Variants in NAV3 observed in about 807,000 individuals in gnomAD.
NAV3 encodes neuron navigator 3.
A neutral mutation model predicts 244.7 loss-of-function variants in NAV3; 87 were observed. The observed-to-expected ratio is 0.36, with a 90% CI of 0.30 to 0.42. NAV3 has a LOEUF of 0.42. Among genes scored for constraint, NAV3 ranks in the 20% least tolerant of loss-of-function variants. The pLI is 1.00. For synonymous variants in NAV3, 1,126 were observed against 1,042.2 expected, an observed-to-expected ratio of 1.08 and a Z score of -1.55; for missense variants, 2,663 against 2,893.3, an observed-to-expected ratio of 0.92 and a Z score of 1.83.
intron 2 of NAV3, among the ~76,000 whole-genome samples, chr12:77,601,328 T>G (rs1870419759): frequency 6.6e-6 from 1 of 152,028 alleles, no homozygotes; most frequent in Non-Finnish European, 1.5e-5. Context: ...AGCTACAGTC[T>G]GAACTAATGC....
Position 77,762,525 on chromosome 12 carries a change from C to T in NAV3, c.73-177794C>T, listed in dbSNP as rs11106600. On this transcript the variant is annotated intron_variant, in intron 2 of 8. Coordinates refer to the NAV3 transcript ENST00000550042. ...GGCTGTGGCAGGGGAATCGCTTGAACCCGGGAGGCGGAGGTTGTAGTGAGC... is the reference window on the plus strand; with the variant it reads ...GGCTGTGGCAGGGGAATCGCTTGAATCCGGGAGGCGGAGGTTGTAGTGAGC... Among the ~76,000 whole-genome samples the T allele has an allele frequency of 2.0e-5, 3 of 152,028 alleles. No individual in the cohort carries two copies. The East Asian group carries it at 5.8e-4, about 29-fold the overall frequency.
chr12:77,954,682 C>A (rs377482721), intron 3 of NAV3, among the ~76,000 whole-genome samples: 48 of 152,240 alleles, frequency 3.2e-4, no homozygotes, highest in African/African-American at 1.1e-3. Context: ...TCCCTGCTTC[C>A]ATTCTTTACA....
chr12:77,755,828 G>A (rs11106553), intron 2 of NAV3, among the ~76,000 whole-genome samples: 70,418 of 150,848 alleles, frequency 0.47, 16,663 homozygotes, highest in African/African-American at 0.51. Flanking sequence ...CAACCTGACA[G>A]GCTCAAGTGA....
At chr12:77,755,275 C>G (rs1869077043) in intron 2 of NAV3, among the ~76,000 whole-genome samples, 1 of 151,962 alleles carries the variant, frequency 6.6e-6, no homozygotes, top group Admixed American at 6.6e-5. Flanking sequence ...TAGTTTATAG[C>G]TTTCTAATAT....
At chr12:78,005,593 T>A (rs1874062251) in intron 7 of NAV3, among the ~76,000 whole-genome samples, 1 of 152,178 alleles carries the variant, frequency 6.6e-6, no homozygotes, top group Admixed American at 6.5e-5. Context: ...ACATTAAAGT[T>A]TTGAGAATGA....
intron 1 of NAV3, among the ~76,000 whole-genome samples, chr12:77,855,476 G>A (rs113203298): frequency 6.6e-6 from 1 of 152,058 alleles, no homozygotes; most frequent in South Asian, 2.1e-4. Context: ...TTCTCAAAAG[G>A]TCTCTGTTCA....
At chr12:78,139,813 T>C (rs573265698) in intron 19 of NAV3, among the ~76,000 whole-genome samples, 38 of 152,140 alleles carry the variant, frequency 2.5e-4, no homozygotes, top group African/African-American at 1.2e-4. Flanking sequence ...TCACAGATAA[T>C]GTTGTAATAA....
intron 3 of NAV3, among the ~76,000 whole-genome samples, chr12:77,949,305 C>T (rs1380641263): frequency 2.0e-5 from 3 of 152,040 alleles, no homozygotes; most frequent in South Asian, 2.1e-4. Flanking sequence ...TTAGCCATCA[C>T]GGCAAACCTA....
chr12:77,616,204 C>T (rs1341337327), intron 2 of NAV3, among the ~76,000 whole-genome samples: 8 of 151,680 alleles, frequency 5.3e-5, no homozygotes, highest in Non-Finnish European at 8.8e-5. Flanking sequence ...GTCAGGAGTT[C>T]GAGACTAGAC....
intron 12 of NAV3, among the ~76,000 whole-genome samples, chr12:78,074,526 A>G (rs771533640): frequency 1.3e-5 from 2 of 152,112 alleles, no homozygotes; most frequent in Non-Finnish European, 2.9e-5. Context: ...AAGATGGTGA[A>G]ACCCCCATCT....
At chr12:78,183,983 A>G (rs1958605115) in intron 30 of NAV3, among the ~76,000 whole-genome samples, 1 of 151,606 alleles carries the variant, frequency 6.6e-6, no homozygotes, top group African/African-American at 2.4e-5. Context: ...CTTGTTCTTC[A>G]CTTATCTAGC....
At chr12:78,129,185 A>G (rs916368601) in intron 18 of NAV3, among the ~76,000 whole-genome samples, 4 of 152,238 alleles carry the variant, frequency 2.6e-5, no homozygotes, top group Non-Finnish European at 5.9e-5. Flanking sequence ...TAACCAGTTC[A>G]GAACATCTGA....
intron 2 of NAV3, among the ~76,000 whole-genome samples, chr12:77,820,217 T>C (rs1163621710): frequency 6.6e-6 from 1 of 152,198 alleles, no homozygotes; most frequent in Non-Finnish European, 1.5e-5. Flanking sequence ...GGTTTCTATA[T>C]ATTTCTGAAT....
chr12:77,585,054 C>T (rs1022138591), intron 2 of NAV3, among the ~76,000 whole-genome samples: 1 of 152,214 alleles, frequency 6.6e-6, no homozygotes, highest in African/African-American at 2.4e-5. Flanking sequence ...AAACCCCGTT[C>T]TCACATGTCT....
intron 24 of NAV3, among the ~76,000 whole-genome samples, chr12:78,170,882 C>A (rs1224972197): frequency 6.6e-6 from 1 of 151,672 alleles, no homozygotes; most frequent in Non-Finnish European, 1.5e-5. Flanking sequence ...TTTCTGGAAG[C>A]AGCAATACTT....
intron 21 of NAV3, among the ~76,000 whole-genome samples, chr12:78,148,563 T>A (rs970984268): frequency 6.6e-6 from 1 of 152,108 alleles, no homozygotes; most frequent in Non-Finnish European, 1.5e-5. Flanking sequence ...ATACAGAGGG[T>A]AAACTGCTCT....
At position 77,831,195 on chromosome 12, in the gene NAV3, C is replaced by CAGAGAGAGAGAGAGAGAGAGAG. The variant is rs71088342; in HGVS notation, c.-265_-244dup. 10 of 143,158 alleles carry CAGAGAGAGAGAGAGAGAGAGAG rather than the reference C, an allele frequency of 7.0e-5. No individual in the cohort carries two copies. Among genetic ancestry groups the CAGAGAGAGAGAGAGAGAGAGAG allele is most frequent in the African/African-American group, 2.5e-4 (8 of 32,630 alleles). 8.9% of individuals were successfully genotyped at this position (143,158 alleles called of 1,614,324 possible). A position where few individuals can be genotyped will look rare whatever the true frequency, so the allele number is the denominator to read the frequency against. On this transcript the variant is annotated 5_prime_UTR_variant, in exon 1 of 40. Transcript: ENST00000397909. ...AGAGAGAGAGAGAGAGAGAGAGAGA[C>CAGAGAGAGAGAGAGAGAGAGAG]AGAGAGAGAGAGAGAGAGAGAGAAA...
chr12:78,042,079 T>G (rs562239596), intron 9 of NAV3, among the ~76,000 whole-genome samples: 3 of 152,190 alleles, frequency 2.0e-5, no homozygotes, highest in Non-Finnish European at 4.4e-5. Flanking sequence ...CTGTTTTCAC[T>G]TTTATTGAAA....
rs2139731820 is a variant in NAV3 at position 78,180,879 on chromosome 12, T to A, written c.5526T>A (p.Ile1842=). 6.2e-7 allele frequency: 1 copy of A among 1,611,650 alleles called. No homozygotes were observed. Among genetic ancestry groups the A allele is most frequent in the Non-Finnish European group, 8.5e-7 (1 of 1,178,836 alleles). ...REAMNRMQNE[I]EILKAENDRL... ...TTCCATCTTCATAACAGAATGAAAT[T>A]GAAATACTGAAAGCTGAAAATGACC... Residue 1842 remains isoleucine (I), a synonymous_variant, in exon 30 of 40, where the codon ATT becomes ATA. Transcript: ENST00000397909.
Sources: allele counts gnomAD v4.1 joint callset (sites outside exome capture counted in the v4.1 genomes callset), GRCh38; gene constraint gnomAD v4.1.1; transcripts MANE v1.5; gene names NCBI Gene and HGNC (gene_info 2026-07-23, HGNC 2026-07-21).